KIAA1549L: variants seen among roughly 807,000 people sequenced by gnomAD.
The protein encoded by KIAA1549L is KIAA1549 like, also known as UPF0606 protein KIAA1549L.
KIAA1549L carries 88 observed loss-of-function variants against 160.7 expected under a neutral mutation model. That is an observed-to-expected ratio of 0.55 (90% CI 0.46 to 0.65). The LOEUF (loss-of-function observed/expected upper bound fraction) is 0.65, where lower values mean the gene tolerates loss of function less well. Ranked by LOEUF, KIAA1549L falls within the 30% of genes least tolerant of loss-of-function variation. The pLI is 0.00. For missense variants in KIAA1549L, 2,258 were observed against 2,437.5 expected, an observed-to-expected ratio of 0.93 and a Z score of 1.55; for synonymous variants, 950 against 976.7, an observed-to-expected ratio of 0.97 and a Z score of 0.51.
Position 33,543,092 on chromosome 11 carries a change from C to T in KIAA1549L, c.1529C>T (p.Pro510Leu). ...DFPSILTFLQ[P>L]TENHASPSPV... Reference sequence around the variant, plus strand: ...CCCTCCATACTTACTTTCCTCCAGCCCACAGAGAATCATGCCTCCCCATCT... The same window carrying T: ...CCCTCCATACTTACTTTCCTCCAGCTCACAGAGAATCATGCCTCCCCATCT... Residue 510 changes from proline (P) to leucine (L), a missense_variant, in exon 2 of 21, where the codon CCC (proline) becomes CTC (leucine). By Grantham distance (98) the Pro-to-Leu change is moderately conservative. This residue lies in a region of KIAA1549L where 540 missense variants were observed against 465.7 expected (regional missense o/e 1.16). Coordinates refer to ENST00000658780, the MANE Select transcript of KIAA1549L (RefSeq NM_012194.3). The T allele has an allele frequency of 6.2e-7, 1 of 1,613,946 alleles. No individual in the cohort carries two copies.
At chr11:33,636,471 C>T (rs1851442140) in intron 16 of KIAA1549L, among the ~76,000 whole-genome samples, 1 of 151,164 alleles carries the variant, frequency 6.6e-6, no homozygotes, top group Non-Finnish European at 1.5e-5. Flanking sequence ...GCTGGGATTA[C>T]AGGCATGTAC....
Position 33,417,879 on chromosome 11 carries a change from G to A in KIAA1549L, c.238+40990G>A, listed in dbSNP as rs997756431. Among the ~76,000 whole-genome samples the A allele has an allele frequency of 2.0e-5, 3 of 152,004 alleles. No homozygotes were observed. The East Asian group carries it at 5.8e-4, about 29-fold the overall frequency. On this transcript the variant is annotated intron_variant, in intron 1 of 20. Coordinates refer to ENST00000658780, the MANE Select transcript of KIAA1549L (RefSeq NM_012194.3). The stretch of plus-strand genomic sequence containing the variant: ...TGCAACCTTCGCCTCTTGGGTTCCA[G>A]CGATTCTTGTGCCTCAGCCTCCTGA...
At chr11:33,426,733 C>T (rs986695226) in intron 1 of KIAA1549L, among the ~76,000 whole-genome samples, 5 of 152,274 alleles carry the variant, frequency 3.3e-5, no homozygotes, top group Admixed American at 1.3e-4. Context: ...CAGAGAGATT[C>T]ATTTGCCCAA....
At position 33,494,185 on chromosome 11, in the gene KIAA1549L, T is replaced by C. The variant is rs113462908; in HGVS notation, c.239-47617T>C. ...GAAGTTTATCACTGTTGATTTTGTTTTTTGTGACACATGACCCTAATATTG... is the reference window on the plus strand; with the variant it reads ...GAAGTTTATCACTGTTGATTTTGTTCTTTGTGACACATGACCCTAATATTG... On this transcript the variant is annotated intron_variant, in intron 1 of 20. Transcript: ENST00000658780. 2.5e-3 allele frequency among the ~76,000 whole-genome samples: 374 copies of C among 152,326 alleles called. 4 individuals carry two copies. The South Asian group carries it at 0.025, about 10-fold the overall frequency.
intron 16 of KIAA1549L, among the ~76,000 whole-genome samples, chr11:33,641,004 C>G (rs1478789782): frequency 6.6e-6 from 1 of 152,206 alleles, no homozygotes; most frequent in Non-Finnish European, 1.5e-5. Flanking sequence ...TGTCTCCCCT[C>G]TTTTGTCAAA....
intron 1 of KIAA1549L, among the ~76,000 whole-genome samples, chr11:33,469,132 G>T (rs1852123071): frequency 6.6e-6 from 1 of 152,046 alleles, no homozygotes; most frequent in Non-Finnish European, 1.5e-5. Flanking sequence ...CTATCACCAC[G>T]ATCTAATTTT....
chr11:33,464,485 T>C (rs1375723998), intron 1 of KIAA1549L, among the ~76,000 whole-genome samples: 1 of 149,878 alleles, frequency 6.7e-6, no homozygotes, highest in Non-Finnish European at 1.5e-5. Context: ...TGTGTGTGTG[T>C]GTGTGTGTGT....
At chr11:33,541,770 A>C in intron 1 of KIAA1549L, 32 bp from the exon 2 acceptor site, 2 of 243,964 alleles carry the variant, frequency 8.2e-6, no homozygotes, top group Non-Finnish European at 1.7e-5. Flanking sequence ...ATGAGCATCC[A>C]ACACCTGACG....
At position 33,628,144 on chromosome 11, in the gene KIAA1549L, G is replaced by A. The variant is rs199563859; in HGVS notation, c.5409+9482G>A. Among the ~76,000 whole-genome samples the A allele has an allele frequency of 3.4e-3, 511 of 151,836 alleles. 28 individuals carry two copies. The East Asian group carries it at 0.093, about 28-fold the overall frequency. ...TTCTAGTTTGATTGCACTGTGGTCT[G>A]AGAGATAGTTTGTTATAATTTCTGT... On this transcript the variant is annotated intron_variant, in intron 16 of 20. Coordinates refer to ENST00000658780, the MANE Select transcript of KIAA1549L (RefSeq NM_012194.3).
At chr11:33,561,615 A>C in intron 7 of KIAA1549L, 61 bp from the exon 8 acceptor site, 4 of 1,290,392 alleles carry the variant, frequency 3.1e-6, no homozygotes, top group Non-Finnish European at 4.5e-6. Flanking sequence ...ATAACTAAAT[A>C]AATGAAACGA....
intron 1 of KIAA1549L, among the ~76,000 whole-genome samples, chr11:33,445,425 A>T (rs553766868): frequency 1.5e-4 from 23 of 152,352 alleles, no homozygotes; most frequent in Middle Eastern, 3.4e-3. Context: ...GCTAATATCA[A>T]GACACTGTAT....
At position 33,568,098 on chromosome 11, in the gene KIAA1549L, G is replaced by C. The variant is rs775916430; in HGVS notation, c.4101G>C (p.Ser1367=). 2 of 1,611,552 alleles carry C rather than the reference G, an allele frequency of 1.2e-6. No individual in the cohort carries two copies. The highest frequency in any genetic ancestry group is 2.7e-5 in the African/African-American group (2 of 74,864). The change falls in exon 9 of 21, where the codon TCG becomes TCC. Residue 1367 remains serine (S), a synonymous_variant. Coordinates refer to ENST00000658780, the MANE Select transcript of KIAA1549L (RefSeq NM_012194.3). The part of the protein sequence containing the change: ...VITVLQGVDN[S]LVGLHNQSFA... ...CAGTGCTGCAGGGTGTGGACAATTC[G>C]CTGGTGGGCCTGCACAACCAGAGCT...
At chr11:33,647,903 A>G (rs1851770616) in intron 17 of KIAA1549L, among the ~76,000 whole-genome samples, 1 of 152,244 alleles carries the variant, frequency 6.6e-6, no homozygotes, top group African/African-American at 2.4e-5. Flanking sequence ...CATTATATAT[A>G]TATTATAAAT....
Position 33,671,997 on chromosome 11 carries a change from A to C in KIAA1549L, c.*3843A>C, listed in dbSNP as rs887447866. The C allele has an allele frequency of 5.3e-5, 8 of 152,230 alleles. No homozygotes were observed. The highest frequency in any genetic ancestry group is 1.9e-4 in the African/African-American group (8 of 41,456). 9.4% of individuals were successfully genotyped at this position (152,230 alleles called of 1,614,324 possible). On this transcript the variant is annotated 3_prime_UTR_variant, in exon 21 of 21. Coordinates refer to ENST00000658780, the MANE Select transcript of KIAA1549L (RefSeq NM_012194.3). ...AATTCTGCCATTCAGTCCAACCTCA[A>C]AGGTGTTCCAGGCAAGGAGTTTTGC... is the stretch of plus-strand genomic sequence containing the variant.
intron 1 of KIAA1549L, among the ~76,000 whole-genome samples, chr11:33,513,795 T>C (rs1218718361): frequency 6.6e-6 from 1 of 152,206 alleles, no homozygotes; most frequent in Non-Finnish European, 1.5e-5. Flanking sequence ...AACTTCATGT[T>C]TGCAGGATGG....
At chr11:33,418,830 C>T (rs1212645977) in intron 1 of KIAA1549L, among the ~76,000 whole-genome samples, 1 of 150,742 alleles carries the variant, frequency 6.6e-6, no homozygotes, top group East Asian at 1.9e-4. Flanking sequence ...CTAGGGGGAG[C>T]TGGAAAAGAG....
chr11:33,497,374 G>A (rs1391568366), intron 1 of KIAA1549L, among the ~76,000 whole-genome samples: 2 of 152,144 alleles, frequency 1.3e-5, no homozygotes, highest in African/African-American at 2.4e-5. Context: ...TAATAAGCAA[G>A]TGATATTCCT....
intron 1 of KIAA1549L, among the ~76,000 whole-genome samples, chr11:33,387,434 T>C (rs1850195373): frequency 6.6e-6 from 1 of 152,126 alleles, no homozygotes; most frequent in South Asian, 2.1e-4. Flanking sequence ...GCCTCCCAAG[T>C]AGCTGGGACT....
intron 1 of KIAA1549L, among the ~76,000 whole-genome samples, chr11:33,435,830 A>ATG (rs377177112): frequency 2.3e-5 from 1 of 43,388 alleles, no homozygotes; most frequent in Non-Finnish European, 4.2e-5. Context: ...ATATATATAT[A>ATG]TGTATATGTA....
Sources: gnomAD v4.1 joint callset for allele counts (sites outside exome capture counted in the v4.1 genomes callset) on GRCh38, gnomAD v4.1.1 for gene constraint, gnomAD v4.1.1 regional missense constraint, MANE v1.5 for transcripts, NCBI Gene and HGNC (gene_info 2026-07-23, HGNC 2026-07-21) for gene names.